TAS2R1: variants seen among roughly 807,000 people sequenced by gnomAD.
The protein encoded by TAS2R1 is taste 2 receptor member 1.
For missense variants in TAS2R1, 370 were observed against 353.4 expected (o/e 1.05, Z -0.38); for synonymous variants, 141 against 134.2 (o/e 1.05, Z -0.35).
chr5:9,787,738 C>T, the TAS2R1 span, among the ~76,000 whole-genome samples: 462 of 152,330 alleles, frequency 3.0e-3, 3 homozygotes, highest in African/African-American at 0.011. Flanking sequence ...ACTGTCAGAA[C>T]TCCTTAAAAA....
the TAS2R1 span, among the ~76,000 whole-genome samples, chr5:9,884,329 C>T: frequency 6.6e-6 from 1 of 151,858 alleles, no homozygotes; most frequent in Non-Finnish European, 1.5e-5. Context: ...AAAAAATTAG[C>T]TGGGTGTGGT....
chr5:9,792,456 T>C, the TAS2R1 span, among the ~76,000 whole-genome samples: 7 of 152,214 alleles, frequency 4.6e-5, no homozygotes, highest in Non-Finnish European at 8.8e-5. Context: ...AACTTTGAAA[T>C]GTCTGACCTA....
At chr5:9,810,846 T>C in the TAS2R1 span, among the ~76,000 whole-genome samples, 1 of 152,146 alleles carries the variant, frequency 6.6e-6, no homozygotes, top group Non-Finnish European at 1.5e-5. Flanking sequence ...TGGAAAATGT[T>C]GCACTATTTT....
At chr5:9,848,495 C>G in the TAS2R1 span, among the ~76,000 whole-genome samples, 52,987 of 151,974 alleles carry the variant, frequency 0.35, 9,423 homozygotes, top group South Asian at 0.39. Context: ...AGGTTTGACA[C>G]GATGAATAAG....
upstream of TAS2R1, among the ~76,000 whole-genome samples, chr5:9,712,880 T>C (rs1036537889): frequency 6.6e-6 from 1 of 151,652 alleles, no homozygotes; most frequent in Non-Finnish European, 1.5e-5. Context: ...AAGACAGATC[T>C]TTCTGTATCT....
chr5:9,780,504 G>A, the TAS2R1 span, among the ~76,000 whole-genome samples: 8 of 152,174 alleles, frequency 5.3e-5, no homozygotes. Context: ...TACCTCACTT[G>A]TTGCTTCTTC....
At chr5:9,790,743 C>A in the TAS2R1 span, among the ~76,000 whole-genome samples, 1 of 152,194 alleles carries the variant, frequency 6.6e-6, no homozygotes, top group South Asian at 2.1e-4. Context: ...ATTCTTCCGC[C>A]TCAGCCTCCT....
At chr5:9,791,567 C>T in the TAS2R1 span, among the ~76,000 whole-genome samples, 12 of 152,056 alleles carry the variant, frequency 7.9e-5, no homozygotes, top group Admixed American at 3.9e-4. Context: ...GGCATCATGG[C>T]GCATACCTGT....
intron 1 of TAS2R1, among the ~76,000 whole-genome samples, chr5:9,684,161 A>G (rs1312778279): frequency 6.6e-6 from 1 of 152,244 alleles, no homozygotes; most frequent in East Asian, 1.9e-4. Flanking sequence ...GTGCTCATCA[A>G]TGGATGAATG....
chr5:9,721,149 G>A, the TAS2R1 span, among the ~76,000 whole-genome samples: 1 of 152,218 alleles, frequency 6.6e-6, no homozygotes, highest in African/African-American at 2.4e-5. Context: ...CAAAGCACAT[G>A]CCAGCAAAGG....
At chr5:9,823,749 A>G in the TAS2R1 span, among the ~76,000 whole-genome samples, 1 of 151,980 alleles carries the variant, frequency 6.6e-6, no homozygotes, top group African/African-American at 2.4e-5. Flanking sequence ...GAAGGAAGGA[A>G]AGAAAGAAAG....
chr5:9,803,892 T>C, the TAS2R1 span, among the ~76,000 whole-genome samples: 1 of 152,174 alleles, frequency 6.6e-6, no homozygotes, highest in Non-Finnish European at 1.5e-5. Flanking sequence ...CATATCTCAA[T>C]ACTAACATTG....
the TAS2R1 span, among the ~76,000 whole-genome samples, chr5:9,750,297 AC>A: frequency 3.9e-5 from 6 of 151,914 alleles, no homozygotes; most frequent in Admixed American, 1.3e-4. Context: ...GTGCTGTAAG[AC>A]CTCCCCAGAG....
At chr5:9,807,288 A>C in the TAS2R1 span, among the ~76,000 whole-genome samples, 1 of 152,134 alleles carries the variant, frequency 6.6e-6, no homozygotes, top group African/African-American at 2.4e-5. Flanking sequence ...AAGGGAACAC[A>C]TTTACACTGT....
rs2126471060 is a variant in TAS2R1, at chr5:9,627,962, A to G, written c.*1171T>C. Among the ~76,000 whole-genome samples, 1 of 152,274 alleles carries G rather than the reference A, an allele frequency of 6.6e-6. No homozygotes were observed. The highest frequency in any genetic ancestry group is 2.1e-4 in the South Asian group (1 of 4,818). Reference sequence around the variant, plus strand: ...TTAGAAAAGCTGTATTTGGGTTCCTATTACTGGTGATTGAAAAATCTAAAC... The same window carrying G: ...TTAGAAAAGCTGTATTTGGGTTCCTGTTACTGGTGATTGAAAAATCTAAAC... On this transcript the variant is annotated 3_prime_UTR_variant, in exon 1 of 1. Coordinates refer to ENST00000382492, the MANE Select transcript of TAS2R1 (RefSeq NM_019599.3).
intron 2 of TAS2R1, among the ~76,000 whole-genome samples, chr5:9,640,105 C>G (rs1320341907): frequency 6.6e-6 from 1 of 152,218 alleles, no homozygotes; most frequent in East Asian, 1.9e-4. Flanking sequence ...AGACAGGCAA[C>G]TCTTCCTTTC....
chr5:9,885,592 G>A, the TAS2R1 span, among the ~76,000 whole-genome samples: 1 of 152,118 alleles, frequency 6.6e-6, no homozygotes. Flanking sequence ...ATAAGTCAGG[G>A]GGGAAAAAGA....
At chr5:9,872,813 C>A in the TAS2R1 span, among the ~76,000 whole-genome samples, 1 of 152,228 alleles carries the variant, frequency 6.6e-6, no homozygotes, top group Non-Finnish European at 1.5e-5. Flanking sequence ...TAACCATACT[C>A]TGTCAGGTAT....
the TAS2R1 span, among the ~76,000 whole-genome samples, chr5:9,754,504 A>G: frequency 4.1e-4 from 62 of 152,316 alleles, no homozygotes; most frequent in Non-Finnish European, 5.6e-4. Flanking sequence ...AGAAAACCCC[A>G]TCGTCTTAGC....
Sources: gnomAD v4.1 joint callset for allele counts (sites outside exome capture counted in the v4.1 genomes callset) on GRCh38, gnomAD v4.1.1 for gene constraint, MANE v1.5 for transcripts, NCBI Gene and HGNC (gene_info 2026-07-23, HGNC 2026-07-21) for gene names.